SLCO2B1: variants seen among roughly 807,000 people sequenced by gnomAD.
SLCO2B1 encodes OATP-RP2.
SLCO2B1 carries 41 observed loss-of-function variants against 67.3 expected under a neutral mutation model. That is an observed-to-expected ratio of 0.61 (90% CI 0.47 to 0.79). The LOEUF is 0.79. Among genes scored for constraint, SLCO2B1 ranks in the 30% least tolerant of loss-of-function variants. The pLI is 0.00. For synonymous variants in SLCO2B1, 379 were observed against 381.4 expected (o/e 0.99, Z 0.07); for missense variants, 837 against 920.1 (o/e 0.91, Z 1.17).
At chr11:75,185,501 C>CTCT (rs1555141346) in intron 7 of SLCO2B1, among the ~76,000 whole-genome samples, 17 of 106,182 alleles carry the variant, frequency 1.6e-4, no homozygotes, top group African/African-American at 3.5e-4. Context: ...GTATAAGTCT[C>CTCT]TTTTTTTTTT....
rs1945251318 is a variant in SLCO2B1, at chr11:75,205,137, A to C, written c.*557A>C. On this transcript the variant is annotated 3_prime_UTR_variant, in exon 14 of 14. Coordinates refer to ENST00000289575, the MANE Select transcript of SLCO2B1 (RefSeq NM_007256.5). ...CTTTGGCGCCCCCTGGAGGCAGAGC[A>C]CTGAGCTGGACCCTGGGTAGACTCC... 1 of 152,512 alleles carries C rather than the reference A, an allele frequency of 6.6e-6. No homozygotes were observed. The highest frequency in any genetic ancestry group is 2.4e-5 in the African/African-American group (1 of 41,472). 9.4% of individuals were successfully genotyped at this position (152,512 alleles called of 1,614,324 possible).
intron 1 of SLCO2B1, among the ~76,000 whole-genome samples, chr11:75,159,240 C>T (rs1949784155): frequency 6.6e-6 from 1 of 152,258 alleles, no homozygotes; most frequent in South Asian, 2.1e-4. Flanking sequence ...CAGTCAGACA[C>T]ACAGACCCAT....
intron 1 of SLCO2B1, among the ~76,000 whole-genome samples, chr11:75,160,180 G>A (rs1208547495): frequency 1.3e-5 from 2 of 152,208 alleles, no homozygotes; most frequent in African/African-American, 4.8e-5. Context: ...GGTTGGCTTG[G>A]CCCCTTGGTG....
chr11:75,187,489 T>A (rs1944953922), intron 7 of SLCO2B1, among the ~76,000 whole-genome samples: 1 of 152,002 alleles, frequency 6.6e-6, no homozygotes, highest in South Asian at 2.1e-4. Context: ...TGTGTTGGTG[T>A]TTTGGGTAAC....
At chr11:75,175,947 G>A (rs1196219903) in intron 7 of SLCO2B1, among the ~76,000 whole-genome samples, 7 of 152,124 alleles carry the variant, frequency 4.6e-5, no homozygotes, top group Non-Finnish European at 8.8e-5. Flanking sequence ...GGGAATGGGA[G>A]GGGACAGGAG....
At chr11:75,153,129 G>C (rs1949711056) in intron 1 of SLCO2B1, among the ~76,000 whole-genome samples, 1 of 152,180 alleles carries the variant, frequency 6.6e-6, no homozygotes, top group Non-Finnish European at 1.5e-5. Context: ...GGAAGCCCCT[G>C]CCCACATCCC....
chr11:75,179,864 G>A (rs1472358028), intron 7 of SLCO2B1, among the ~76,000 whole-genome samples: 2 of 151,712 alleles, frequency 1.3e-5, no homozygotes, highest in Non-Finnish European at 2.9e-5. Context: ...ATCCTCCCAA[G>A]TGGCTGGGAT....
intron 7 of SLCO2B1, among the ~76,000 whole-genome samples, chr11:75,179,012 C>T (rs1013548732): frequency 1.3e-5 from 2 of 152,108 alleles, no homozygotes; most frequent in African/African-American, 4.8e-5. Flanking sequence ...ATCCATTCAT[C>T]CATTGATGGA....
intron 1 of SLCO2B1, among the ~76,000 whole-genome samples, chr11:75,157,464 A>G (rs1949758642): frequency 6.6e-6 from 1 of 152,188 alleles, no homozygotes; most frequent in South Asian, 2.1e-4. Flanking sequence ...TCAAGCCTGT[A>G]TCACTGCCTC....
At position 75,200,304 on chromosome 11, in the gene SLCO2B1, G is replaced by T. The variant is rs1945163520; in HGVS notation, c.1680G>T (p.Leu560=). 6.2e-7 allele frequency: 1 copy of T among 1,613,840 alleles called. No individual in the cohort carries two copies. The highest frequency in any genetic ancestry group is 1.1e-5 in the South Asian group (1 of 91,068). ...CCTGCGACTCAACGTGCAGCCATCT[G>T]GTGGTGCCCTTCCTGCTCCTGGTCA... ...AGSCDSTCSH[L]VVPFLLLVSL... The change falls in exon 11 of 14, where the codon CTG becomes CTT. Residue 560 remains leucine, a synonymous_variant. Transcript: ENST00000289575.
intron 1 of SLCO2B1, among the ~76,000 whole-genome samples, chr11:75,153,756 T>A (rs1375472598): frequency 6.6e-6 from 1 of 152,120 alleles, no homozygotes; most frequent in African/African-American, 2.4e-5. Flanking sequence ...AAGAAGTTGA[T>A]GGGGCCCAGT....
chr11:75,178,053 C>T (rs1455856105), intron 7 of SLCO2B1, among the ~76,000 whole-genome samples: 2 of 148,012 alleles, frequency 1.4e-5, no homozygotes, highest in Non-Finnish European at 3.0e-5. Context: ...GAGATTACAT[C>T]ACTGCACTCC....
Position 75,198,899 on chromosome 11 carries a change from G to A in SLCO2B1, c.1600-1325G>A, listed in dbSNP as rs578017710. On this transcript the variant is annotated intron_variant, in intron 10 of 13. Transcript: ENST00000289575. ...GAATGAGACTCTGAGGCAGCAGAAA[G>A]ATTGAAGTCATTCATAAGAAAAACT... Among the ~76,000 whole-genome samples the A allele has an allele frequency of 3.3e-5, 5 of 152,292 alleles. 1 individual carries two copies. The South Asian group carries it at 1.0e-3, about 32-fold the overall frequency.
chr11:75,204,615 G>A lies in SLCO2B1; in HGVS notation c.*35G>A. The A allele has an allele frequency of 1.3e-6, 2 of 1,569,644 alleles. No homozygotes were observed. The highest frequency in any genetic ancestry group is 1.4e-5 in the African/African-American group (1 of 73,802). ...GGGCCCCACCTGGCCAAGAGTAGCA[G>A]CCACAGCAGTACCTCCTCTGAGTCC... On this transcript the variant is annotated 3_prime_UTR_variant, in exon 14 of 14. Transcript: ENST00000289575.
chr11:75,163,968 C>T lies in SLCO2B1; in HGVS notation c.153C>T (p.Phe51=), dbSNP rs138677494. The change falls in exon 3 of 14, where the codon TTC becomes TTT. Residue 51 remains phenylalanine, a synonymous_variant. Coordinates refer to ENST00000289575, the MANE Select transcript of SLCO2B1 (RefSeq NM_007256.5). ...GCCTCCGGGTCCCCCCACAGCTGTT[C>T]GTTCTGTGCCACAGCCTGCTGCAGC... is the stretch of plus-strand genomic sequence containing the variant. ...RPSVFHNIKL[F]VLCHSLLQLA... 2.2e-4 allele frequency: 350 copies of T among 1,598,572 alleles called. 1 individual carries two copies. In the African/African-American group the frequency reaches 3.0e-3, roughly 14 times the overall value.
intron 4 of SLCO2B1, among the ~76,000 whole-genome samples, chr11:75,168,322 G>C (rs1293176819): frequency 6.6e-6 from 1 of 152,176 alleles, no homozygotes; most frequent in African/African-American, 2.4e-5. Flanking sequence ...TCTTGACCTT[G>C]GTTCACATGG....
intron 1 of SLCO2B1, chr11:75,159,774 C>T: frequency 3.3e-6 from 3 of 899,250 alleles, no homozygotes; most frequent in Non-Finnish European, 4.0e-6. Flanking sequence ...GGACTTTGCC[C>T]TCCACAAACA....
chr11:75,176,541 G>A (rs984228008), intron 7 of SLCO2B1, among the ~76,000 whole-genome samples: 8 of 152,214 alleles, frequency 5.3e-5, no homozygotes, highest in Non-Finnish European at 1.2e-4. Context: ...TCTGTGCCTC[G>A]AATGGTCTAT....
In SLCO2B1 at chr11:75,169,173, A is replaced by G; in HGVS notation, c.449A>G (p.Glu150Gly). The change falls in exon 5 of 14, where the codon GAG (glutamate) becomes GGG (glycine). Residue 150 changes from glutamate (E) to glycine (G), a missense_variant and splice_region_variant. Glu to Gly is a moderately conservative substitution (Grantham distance 98). Coordinates refer to ENST00000289575, the MANE Select transcript of SLCO2B1 (RefSeq NM_007256.5). ...EPYRYDNTSPEDMPQDFKASL... is the reference protein window; with the variant it reads ...EPYRYDNTSPGDMPQDFKASL... ...ATATTTTTTCATTGTCGTCTCTCAG[A>G]GGATATGCCACAGGACTTCAAGGCT... is the stretch of plus-strand genomic sequence containing the variant. 6.2e-7 allele frequency: 1 copy of G among 1,608,952 alleles called. No individual in the cohort carries two copies. The highest frequency in any genetic ancestry group is 8.5e-7 in the Non-Finnish European group (1 of 1,176,224).
Sources: gnomAD v4.1 joint callset for allele counts (sites outside exome capture counted in the v4.1 genomes callset) on GRCh38, gnomAD v4.1.1 for gene constraint, MANE v1.5 for transcripts, NCBI Gene and HGNC (gene_info 2026-07-23, HGNC 2026-07-21) for gene names.